PLCE1: variants seen among roughly 807,000 people sequenced by gnomAD.
PLCE1 encodes 1-phosphatidylinositol 4,5-bisphosphate phosphodiesterase epsilon-1.
In PLCE1, 119 loss-of-function variants were observed where a neutral mutation model predicts 242.8. The ratio of observed to expected loss-of-function variants is 0.49; its 90% CI spans 0.42 to 0.57. The LOEUF is 0.57. Among genes scored for constraint, PLCE1 ranks in the 20% least tolerant of loss-of-function variants. The pLI is 0.00. For missense variants in PLCE1, 2,441 were observed against 2,788.8 expected (o/e 0.88, Z 2.81); for synonymous variants, 945 against 1,017.4 (o/e 0.93, Z 1.35).
At chr10:94,067,951 G>T (rs1349173869) in intron 2 of PLCE1, among the ~76,000 whole-genome samples, 1 of 152,130 alleles carries the variant, frequency 6.6e-6, no homozygotes, top group African/African-American at 2.4e-5. Context: ...ACATAGCATG[G>T]TTTCTAACCA....
In PLCE1 at chr10:94,289,039, G is replaced by T. The variant is rs751594336; in HGVS notation, c.5035+4074G>T. 2.6e-5 allele frequency among the ~76,000 whole-genome samples: 4 copies of T among 152,124 alleles called. No homozygotes were observed. The East Asian group carries it at 7.7e-4, about 29-fold the overall frequency. ...ACTCAGACCCACAGTAGTGCTGCAG[G>T]TTGGAACACCTTGGAGGGCAAAGGG... On this transcript the variant is annotated intron_variant, in intron 22 of 32. Transcript: ENST00000371380.
chr10:94,260,666 G>A lies in PLCE1; in HGVS notation c.3814+1516G>A, dbSNP rs182765228. ...TGATTTTCATGTATTTTTTATTTTT[G>A]TTTTATTTTAAAATATTATTATTTT... On this transcript the variant is annotated intron_variant, in intron 13 of 32. Transcript: ENST00000371380. Among the ~76,000 whole-genome samples, 158 of 149,812 alleles carry A rather than the reference G, an allele frequency of 1.1e-3. 1 individual carries two copies. The highest frequency in any genetic ancestry group is 3.5e-3 in the African/African-American group (145 of 40,920).
At chr10:94,091,873 A>T (rs1225962266) in intron 2 of PLCE1, among the ~76,000 whole-genome samples, 1 of 152,222 alleles carries the variant, frequency 6.6e-6, no homozygotes, top group Non-Finnish European at 1.5e-5. Context: ...AAATCAGGCC[A>T]ATTAGCAATA....
In PLCE1 at chr10:94,319,932, C is replaced by T. The variant is rs1022870654; in HGVS notation, c.6343-1969C>T. On this transcript the variant is annotated intron_variant, in intron 29 of 32. Coordinates refer to ENST00000371380, the MANE Select transcript of PLCE1 (RefSeq NM_016341.4). ...TTGCCCAGGCTGGAGTGCAGTGGCG[C>T]GATCTCAGCTCACTGCAAATTCCGC... Among the ~76,000 whole-genome samples, 6 of 137,450 alleles carry T rather than the reference C, an allele frequency of 4.4e-5. No individual in the cohort carries two copies. In the East Asian group the frequency reaches 6.7e-4, roughly 15 times the overall value. 90.2% of individuals were successfully genotyped at this position (137,450 alleles called of 152,430 possible).
intron 4 of PLCE1, among the ~76,000 whole-genome samples, chr10:94,193,708 AT>A (rs1278543948): frequency 6.6e-6 from 1 of 152,196 alleles, no homozygotes; most frequent in East Asian, 1.9e-4. Context: ...GCCAAAACGA[AT>A]TTCAAAATGA....
At chr10:94,218,998 TATTA>T (rs536400627) in intron 4 of PLCE1, among the ~76,000 whole-genome samples, 2,369 of 148,194 alleles carry the variant, frequency 0.016, 56 homozygotes, top group African/African-American at 0.054. Context: ...TATAAATAAT[TATTA>T]ATTGTTAATT....
intron 3 of PLCE1, among the ~76,000 whole-genome samples, chr10:94,140,655 A>G (rs1195745259): frequency 6.6e-6 from 1 of 152,234 alleles, no homozygotes; most frequent in Non-Finnish European, 1.5e-5. Flanking sequence ...GAATACACAT[A>G]CACATTTGAA....
At chr10:94,180,645 G>A (rs1451047471) in intron 4 of PLCE1, among the ~76,000 whole-genome samples, 3 of 152,128 alleles carry the variant, frequency 2.0e-5, no homozygotes, top group African/African-American at 7.2e-5. Context: ...AGCGGTGATG[G>A]TGCTATGATT....
intron 3 of PLCE1, among the ~76,000 whole-genome samples, chr10:94,151,046 T>C (rs2047258662): frequency 1.3e-5 from 2 of 152,204 alleles, no homozygotes; most frequent in African/African-American, 4.8e-5. Flanking sequence ...TGTTCTTCCA[T>C]GTCCTGTTTT....
chr10:94,081,629 T>G (rs2044656736), intron 2 of PLCE1, among the ~76,000 whole-genome samples: 1 of 152,236 alleles, frequency 6.6e-6, no homozygotes, highest in Non-Finnish European at 1.5e-5. Context: ...AGTATGATAT[T>G]AAATAGACAT....
chr10:94,323,418 C>T (rs2053893187), intron 30 of PLCE1, among the ~76,000 whole-genome samples: 1 of 152,194 alleles, frequency 6.6e-6, no homozygotes, highest in Non-Finnish European at 1.5e-5. Context: ...TAGTAGTGTG[C>T]TGGTAAACCA....
chr10:94,008,191 CAAAA>C (rs745999207), intron 1 of PLCE1, among the ~76,000 whole-genome samples: 34 of 55,228 alleles, frequency 6.2e-4, no homozygotes, highest in African/African-American at 2.1e-3. Flanking sequence ...GACCTTGTCT[CAAAA>C]AAAAAAAAAA....
chr10:94,093,961 A>G (rs1201813512), intron 2 of PLCE1, among the ~76,000 whole-genome samples: 1 of 31,972 alleles, frequency 3.1e-5, no homozygotes, highest in Non-Finnish European at 4.7e-5. Context: ...TTTTTTTTTG[A>G]GACGGAGTCT....
intron 4 of PLCE1, among the ~76,000 whole-genome samples, chr10:94,199,166 G>T (rs2136730627): frequency 6.6e-6 from 1 of 152,288 alleles, no homozygotes; most frequent in Non-Finnish European, 1.5e-5. Context: ...CCAGTTGAAG[G>T]ACATTTATTT....
At chr10:94,324,315 G>A (rs1285219044) in intron 30 of PLCE1, 34 bp from the exon 31 acceptor site, 2 of 1,518,626 alleles carry the variant, frequency 1.3e-6, no homozygotes, top group Non-Finnish European at 1.8e-6. Context: ...GAGATTCTGT[G>A]TCTTTATTCA....
At chr10:94,164,803 A>G (rs1043307879) in intron 3 of PLCE1, among the ~76,000 whole-genome samples, 1 of 152,066 alleles carries the variant, frequency 6.6e-6, no homozygotes, top group Non-Finnish European at 1.5e-5. Flanking sequence ...TGACGTACAG[A>G]TGGGGTTTTG....
intron 16 of PLCE1, 105 bp from the exon 17 acceptor site, chr10:94,268,824 C>A: frequency 2.7e-6 from 2 of 732,234 alleles, no homozygotes; most frequent in Non-Finnish European, 5.0e-6. Context: ...CTGCTTTAGT[C>A]CTGAGTGTAA....
intron 20 of PLCE1, 130 bp from the exon 21 acceptor site, chr10:94,283,660 A>G (rs1242585736): frequency 1.0e-6 from 1 of 974,738 alleles, no homozygotes; most frequent in Non-Finnish European, 1.6e-6. Flanking sequence ...TTTTGTTAAC[A>G]TACTATATAG....
At chr10:94,228,899 A>G (rs1029046427) in intron 5 of PLCE1, among the ~76,000 whole-genome samples, 3 of 152,158 alleles carry the variant, frequency 2.0e-5, no homozygotes, top group African/African-American at 7.2e-5. Flanking sequence ...GAAAACGTGT[A>G]GGCCGGGCAC....
Sources: gnomAD v4.1 joint callset for allele counts (sites outside exome capture counted in the v4.1 genomes callset) on GRCh38, gnomAD v4.1.1 for gene constraint, MANE v1.5 for transcripts, NCBI Gene and HGNC (gene_info 2026-07-23, HGNC 2026-07-21) for gene names.